HCN1: variants seen among roughly 807,000 people sequenced by gnomAD.
HCN1 encodes hyperpolarization activated cyclic nucleotide gated potassium channel 1.
Under a neutral mutation model 78.9 loss-of-function variants are expected in HCN1, and 13 were observed. The ratio of observed to expected loss-of-function variants is 0.16; its 90% CI spans 0.11 to 0.26. The LOEUF (loss-of-function observed/expected upper bound fraction) is 0.26. Ranked by LOEUF, HCN1 falls within the 10% of genes least tolerant of loss-of-function variation. The pLI is 1.00. For synonymous variants in HCN1, 552 were observed against 455.5 expected (o/e 1.21, Z -2.70); for missense variants, 810 against 1,154.3 (o/e 0.70, Z 4.32).
chr5:45,428,092 C>T lies in HCN1; in HGVS notation c.1012-31382G>A, dbSNP rs916249268. ...CTTAATATCTATGAACCTGTATTCACTTCTATTCTTTATCTATGGATAAAA... is the reference window on the plus strand; with the variant it reads ...CTTAATATCTATGAACCTGTATTCATTTCTATTCTTTATCTATGGATAAAA... On this transcript the variant is annotated intron_variant, in intron 3 of 7. Transcript: ENST00000303230. Among the ~76,000 whole-genome samples the T allele has an allele frequency of 4.6e-5, 7 of 151,820 alleles. 1 individual carries two copies. Among genetic ancestry groups the T allele is most frequent in the South Asian group, 4.1e-4 (2 of 4,830 alleles).
At chr5:45,266,616 T>A (rs530917006) in intron 7 of HCN1, among the ~76,000 whole-genome samples, 4 of 151,630 alleles carry the variant, frequency 2.6e-5, no homozygotes, top group Non-Finnish European at 5.9e-5. Context: ...AAGAGATAGA[T>A]AGGGACCCAG....
chr5:45,468,205 C>T (rs1254616052), intron 2 of HCN1, among the ~76,000 whole-genome samples: 1 of 152,074 alleles, frequency 6.6e-6, no homozygotes, highest in Admixed American at 6.6e-5. Context: ...TGAAGTGGCA[C>T]AGATATGATG....
At chr5:45,281,368 C>T (rs960666309) in intron 6 of HCN1, among the ~76,000 whole-genome samples, 2 of 152,048 alleles carry the variant, frequency 1.3e-5, no homozygotes, top group African/African-American at 2.4e-5. Flanking sequence ...TTCCTCTTCA[C>T]CTTTCACTAT....
intron 4 of HCN1, among the ~76,000 whole-genome samples, chr5:45,384,430 A>T (rs1211807423): frequency 1.3e-5 from 2 of 152,192 alleles, no homozygotes; most frequent in African/African-American, 4.8e-5. Flanking sequence ...CAATTTTCTA[A>T]AGTATAACTT....
chr5:45,314,359 G>A (rs1745928138), intron 5 of HCN1, among the ~76,000 whole-genome samples: 1 of 152,076 alleles, frequency 6.6e-6, no homozygotes, highest in African/African-American at 2.4e-5. Flanking sequence ...GATCCTGAAA[G>A]AAGCACTAAA....
chr5:45,614,971 G>GAAA (rs1187828055), intron 2 of HCN1, among the ~76,000 whole-genome samples: 2 of 122,636 alleles, frequency 1.6e-5, no homozygotes, highest in African/African-American at 6.0e-5. Context: ...AAACCACAGA[G>GAAA]AAAAAAAAAA....
intron 2 of HCN1, among the ~76,000 whole-genome samples, chr5:45,492,605 G>A (rs1298717234): frequency 2.1e-5 from 3 of 144,870 alleles, no homozygotes; most frequent in African/African-American, 7.7e-5. Context: ...CGGTTCAAGT[G>A]ATTCTCCTGT....
chr5:45,416,297 G>A (rs1307704343), intron 3 of HCN1, among the ~76,000 whole-genome samples: 1 of 151,782 alleles, frequency 6.6e-6, no homozygotes. Flanking sequence ...ACTCGAGTGA[G>A]GAATGAAAAT....
chr5:45,312,413 G>A (rs745639389), intron 5 of HCN1, among the ~76,000 whole-genome samples: 1 of 152,138 alleles, frequency 6.6e-6, no homozygotes, highest in African/African-American at 2.4e-5. Context: ...AAGAGGAACG[G>A]CTCCAGTCTA....
At chr5:45,686,029 T>A (rs1356284058) in intron 1 of HCN1, among the ~76,000 whole-genome samples, 2 of 152,056 alleles carry the variant, frequency 1.3e-5, no homozygotes, top group Non-Finnish European at 1.5e-5. Context: ...GCATAACTTC[T>A]AAGCACTACA....
intron 4 of HCN1, among the ~76,000 whole-genome samples, chr5:45,373,145 A>T (rs1158761455): frequency 8.0e-6 from 1 of 125,704 alleles, no homozygotes; most frequent in Non-Finnish European, 1.6e-5. Context: ...ATAGTATATA[A>T]TATATATAAA....
At chr5:45,628,860 C>G (rs1745219905) in intron 2 of HCN1, among the ~76,000 whole-genome samples, 1 of 151,662 alleles carries the variant, frequency 6.6e-6, no homozygotes. Context: ...GTAATCCCAG[C>G]TATGAGGCTG....
At position 45,258,185 on chromosome 5, in the gene HCN1, G is replaced by A. The variant is rs1307075885; in HGVS notation, c.*3736C>T. ...AAACCTAAGCTGAAAGAGGAGGTAT[G>A]GAGATTTTTTAAATAGTCCTGAAAG... On this transcript the variant is annotated 3_prime_UTR_variant, in exon 8 of 8. Transcript: ENST00000303230. 2 of 152,138 alleles carry A rather than the reference G, an allele frequency of 1.3e-5. No homozygotes were observed. The highest frequency in any genetic ancestry group is 2.1e-4 in the South Asian group (1 of 4,820). The allele number at this position is 152,138 out of a possible 1,614,324, so 9.4% of individuals were successfully genotyped here. A position where few individuals can be genotyped will look rare whatever the true frequency, so the allele number is the denominator to read the frequency against.
intron 2 of HCN1, among the ~76,000 whole-genome samples, chr5:45,607,579 T>TTA (rs146363579): frequency 0.055 from 7,048 of 127,750 alleles, 214 homozygotes; most frequent in African/African-American, 0.088. Context: ...CACAATATCA[T>TTA]TATATATATA....
intron 2 of HCN1, among the ~76,000 whole-genome samples, chr5:45,504,630 G>A (rs1742258491): frequency 6.6e-6 from 1 of 152,078 alleles, no homozygotes; most frequent in Non-Finnish European, 1.5e-5. Flanking sequence ...TGGGATGGCT[G>A]GGTCAAATGG....
At chr5:45,307,460 T>C (rs759461135) in intron 5 of HCN1, among the ~76,000 whole-genome samples, 2 of 152,138 alleles carry the variant, frequency 1.3e-5, no homozygotes, top group Non-Finnish European at 2.9e-5. Flanking sequence ...GCAATCAATG[T>C]TAACATCAAC....
intron 2 of HCN1, among the ~76,000 whole-genome samples, chr5:45,546,464 G>T (rs1353987198): frequency 6.6e-6 from 1 of 151,752 alleles, no homozygotes; most frequent in African/African-American, 2.4e-5. Flanking sequence ...ATTCTACAAT[G>T]ACACCTAAAG....
intron 2 of HCN1, among the ~76,000 whole-genome samples, chr5:45,530,412 TTA>T (rs59818959): frequency 2.5e-4 from 37 of 148,676 alleles, no homozygotes; most frequent in African/African-American, 6.1e-4. Flanking sequence ...GATTGTGTTT[TTA>T]TATATATATA....
At chr5:45,288,466 G>A (rs1331276315) in intron 6 of HCN1, among the ~76,000 whole-genome samples, 1 of 152,000 alleles carries the variant, frequency 6.6e-6, no homozygotes, top group Non-Finnish European at 1.5e-5. Context: ...GAAAGGGGCT[G>A]TAGAAAGCGT....
Sources: gnomAD v4.1 joint callset for allele counts (sites outside exome capture counted in the v4.1 genomes callset) on GRCh38, gnomAD v4.1.1 for gene constraint, MANE v1.5 for transcripts, NCBI Gene and HGNC (gene_info 2026-07-23, HGNC 2026-07-21) for gene names.